The following FAR2 variants were observed in gnomAD, a reference collection of about 807,000 sequenced individuals.
The protein encoded by FAR2 is epididymis secretory protein Li 81.
Under a neutral mutation model 56.0 loss-of-function variants are expected in FAR2, and 19 were observed. That is an observed-to-expected ratio of 0.34 (90% CI 0.24 to 0.50). The LOEUF (loss-of-function observed/expected upper bound fraction) is 0.50. Among genes scored for constraint, FAR2 ranks in the 20% least tolerant of loss-of-function variants. The pLI, the probability that FAR2 is intolerant of heterozygous loss-of-function variation, is 0.98. For synonymous variants in FAR2, 219 were observed against 218.8 expected (o/e 1.00, Z -0.01); for missense variants, 508 against 642.2 (o/e 0.79, Z 2.26).
intron 1 of FAR2, among the ~76,000 whole-genome samples, chr12:29,269,903 T>C (rs776290528): frequency 8.5e-5 from 13 of 152,242 alleles, no homozygotes; most frequent in African/African-American, 2.7e-4. Context: ...ATTTATGTCC[T>C]GTAACACTGC....
chr12:29,219,332 T>C (rs1947658650), intron 1 of FAR2, among the ~76,000 whole-genome samples: 1 of 152,200 alleles, frequency 6.6e-6, no homozygotes, highest in Non-Finnish European at 1.5e-5. Flanking sequence ...GCTGCTGGGA[T>C]TGTAAATTGC....
Position 29,334,446 on chromosome 12 carries a change from G to A in FAR2, c.*652G>A, listed in dbSNP as rs1397167517. On this transcript the variant is annotated 3_prime_UTR_variant, in exon 12 of 12. Coordinates refer to ENST00000536681, the MANE Select transcript of FAR2 (RefSeq NM_001271783.2). ...AAGTATGTATAGAGTGAGGGATTAA[G>A]CATATTTGCATTGGGGACTCGTGTA... The A allele has an allele frequency of 6.6e-6, 1 of 152,130 alleles. No homozygotes were observed. Among genetic ancestry groups the A allele is most frequent in the Non-Finnish European group, 1.5e-5 (1 of 68,014 alleles). The allele number at this position is 152,130 out of a possible 1,614,324, so 9.4% of individuals were successfully genotyped here. A position where few individuals can be genotyped will look rare whatever the true frequency, so the allele number is the denominator to read the frequency against.
At chr12:29,149,983 TG>T (rs1949669219) in intron 1 of FAR2, among the ~76,000 whole-genome samples, 1 of 152,134 alleles carries the variant, frequency 6.6e-6, no homozygotes, top group Non-Finnish European at 1.5e-5. Context: ...CCCTCCCACC[TG>T]GGCCTCGCCG....
At chr12:29,159,408 G>A (rs1286549651) in intron 1 of FAR2, among the ~76,000 whole-genome samples, 1 of 151,948 alleles carries the variant, frequency 6.6e-6, no homozygotes, top group Non-Finnish European at 1.5e-5. Context: ...CATGTTGGCA[G>A]GTGCCTGTAG....
chr12:29,202,382 G>C (rs988354114), intron 1 of FAR2, among the ~76,000 whole-genome samples: 5 of 152,186 alleles, frequency 3.3e-5, no homozygotes, highest in African/African-American at 1.2e-4. Flanking sequence ...TCAAAAAGCT[G>C]TTTGTATTCT....
At position 29,275,192 on chromosome 12, in the gene FAR2, G is replaced by A. The variant is rs1948690804; in HGVS notation, c.189+4554G>A. On this transcript the variant is annotated intron_variant, in intron 2 of 11. Transcript: ENST00000536681. ...AGCGAAGGGAGACAGGGGTGGGGCC[G>A]TTTTATAGGATTTGGGTAGGTAAAG... Among the ~76,000 whole-genome samples, 4 of 151,680 alleles carry A rather than the reference G, an allele frequency of 2.6e-5. No homozygotes were observed. In the South Asian group the frequency reaches 8.4e-4, roughly 32 times the overall value.
intron 10 of FAR2, 140 bp from the exon 11 acceptor site, chr12:29,332,460 A>T: frequency 8.6e-7 from 1 of 1,167,842 alleles, no homozygotes; most frequent in Non-Finnish European, 1.2e-6. Flanking sequence ...TAATGACTCA[A>T]ATAATCTCTC....
At chr12:29,212,170 A>C (rs1005800400) in intron 1 of FAR2, among the ~76,000 whole-genome samples, 1 of 152,104 alleles carries the variant, frequency 6.6e-6, no homozygotes, top group African/African-American at 2.4e-5. Context: ...ACTACCAATA[A>C]AATTATATGA....
chr12:29,325,248 AG>A (rs1234406951), intron 10 of FAR2, among the ~76,000 whole-genome samples: 4 of 152,230 alleles, frequency 2.6e-5, no homozygotes, highest in African/African-American at 7.2e-5. Context: ...AGATTCATAA[AG>A]CAAGCCCTTA....
chr12:29,265,507 GC>G lies in FAR2; in HGVS notation c.-38-4903del, dbSNP rs202225604. ...GAATGAAACTAGACCCCTATCTCTT[GC>G]CATTTGCAAAAATCAAAACAAATTG... is the stretch of plus-strand genomic sequence containing the variant. On this transcript the variant is annotated intron_variant, in intron 1 of 11. Transcript: ENST00000536681. Among the ~76,000 whole-genome samples the G allele has an allele frequency of 3.6e-4, 55 of 152,214 alleles. 1 individual carries two copies. The East Asian group carries it at 9.3e-3, about 26-fold the overall frequency.
At chr12:29,220,778 C>A (rs1157632049) in intron 1 of FAR2, among the ~76,000 whole-genome samples, 3 of 152,010 alleles carry the variant, frequency 2.0e-5, no homozygotes, top group Admixed American at 6.6e-5. Flanking sequence ...CAGTGAGAGT[C>A]CGAGGCAAGA....
chr12:29,310,331 G>A (rs558260760), intron 6 of FAR2, among the ~76,000 whole-genome samples: 17 of 152,208 alleles, frequency 1.1e-4, no homozygotes, highest in South Asian at 2.1e-4. Flanking sequence ...AGTGCTAATC[G>A]TTGCAAATCA....
chr12:29,212,613 G>A (rs1947564589), intron 1 of FAR2, among the ~76,000 whole-genome samples: 1 of 152,170 alleles, frequency 6.6e-6, no homozygotes, highest in South Asian at 2.1e-4. Flanking sequence ...CCAGACCTGA[G>A]TTTCCACCAT....
At chr12:29,243,323 C>G (rs1948068753) in intron 1 of FAR2, among the ~76,000 whole-genome samples, 1 of 152,130 alleles carries the variant, frequency 6.6e-6, no homozygotes. Context: ...AATCTGGTTT[C>G]CTGCAAGTCT....
chr12:29,291,390 G>A (rs1206967854), intron 2 of FAR2: 1 of 456,004 alleles, frequency 2.2e-6, no homozygotes, highest in Non-Finnish European at 4.4e-6. Flanking sequence ...TTTTTAACCA[G>A]GTTCTTTGAT....
chr12:29,247,668 A>G (rs544262852), intron 1 of FAR2, among the ~76,000 whole-genome samples: 1 of 152,356 alleles, frequency 6.6e-6, no homozygotes, highest in South Asian at 2.1e-4. Flanking sequence ...TCCTTGGTTG[A>G]ATAACACATT....
intron 1 of FAR2, among the ~76,000 whole-genome samples, chr12:29,213,694 A>AAAG (rs1191865517): frequency 1.1e-3 from 165 of 151,690 alleles, no homozygotes; most frequent in African/African-American, 3.9e-3. Context: ...TGTCTCAAAA[A>AAAG]AAAAAAAAAA....
At chr12:29,284,839 G>T (rs1017596765) in intron 2 of FAR2, among the ~76,000 whole-genome samples, 13 of 151,950 alleles carry the variant, frequency 8.6e-5, no homozygotes, top group African/African-American at 3.1e-4. Flanking sequence ...TGTTTTGTTT[G>T]TTTGTTTGTT....
intron 11 of FAR2, chr12:29,333,362 A>G: frequency 2.7e-6 from 1 of 374,256 alleles, no homozygotes; most frequent in Non-Finnish European, 4.8e-6. Context: ...ACCAAAGTAT[A>G]TTTACAAGAT....
Sources: gnomAD v4.1 joint callset for allele counts (sites outside exome capture counted in the v4.1 genomes callset) on GRCh38, gnomAD v4.1.1 for gene constraint, MANE v1.5 for transcripts, NCBI Gene and HGNC (gene_info 2026-07-23, HGNC 2026-07-21) for gene names.